The following GNG4 variants were observed in gnomAD, a reference collection of about 807,000 sequenced individuals.
GNG4 encodes the protein guanine nucleotide-binding protein G(I)/G(S)/G(O) subunit gamma-4.
Under a neutral mutation model 5.8 loss-of-function variants are expected in GNG4, and 4 were observed. That is an observed-to-expected ratio of 0.69 (90% CI 0.34 to 1.57). The LOEUF (loss-of-function observed/expected upper bound fraction) is 1.57. GNG4 is among the 40% of genes most tolerant of loss of function. The pLI, the probability that GNG4 is intolerant of heterozygous loss-of-function variation, is 0.06. For missense variants in GNG4, 96 were observed against 95.1 expected (o/e 1.01, Z -0.04); for synonymous variants, 29 against 32.9 (o/e 0.88, Z 0.41).
intron 1 of GNG4, among the ~76,000 whole-genome samples, chr1:235,625,033 C>T (rs954020262): frequency 5.9e-4 from 90 of 152,140 alleles, no homozygotes; most frequent in African/African-American, 2.1e-3. Context: ...CGGGCAGCTG[C>T]CAAGCTGATG....
intron 3 of GNG4, among the ~76,000 whole-genome samples, chr1:235,563,867 T>C (rs1687129964): frequency 6.6e-6 from 1 of 152,156 alleles, no homozygotes; most frequent in Non-Finnish European, 1.5e-5. Context: ...TGCTGGGTGG[T>C]GATTGCAGCA....
At chr1:235,623,505 T>C (rs940291109) in intron 1 of GNG4, among the ~76,000 whole-genome samples, 1 of 151,946 alleles carries the variant, frequency 6.6e-6, no homozygotes, top group Non-Finnish European at 1.5e-5. Context: ...CCTCAGGGAG[T>C]TGCTTTTTAT....
chr1:235,568,675 A>G (rs1687263010), intron 3 of GNG4, among the ~76,000 whole-genome samples: 1 of 152,016 alleles, frequency 6.6e-6, no homozygotes, highest in Non-Finnish European at 1.5e-5. Flanking sequence ...TGTTGTCCAG[A>G]CTGATATTTT....
chr1:235,583,967 G>A (rs1057503434), intron 2 of GNG4, 119 bp from the exon 3 acceptor site: 6 of 545,562 alleles, frequency 1.1e-5, no homozygotes, highest in African/African-American at 7.6e-5. Context: ...AGCATGGACA[G>A]CATTTGGTAG....
chr1:235,625,856 C>A (rs907808328), intron 1 of GNG4, among the ~76,000 whole-genome samples: 3 of 152,174 alleles, frequency 2.0e-5, no homozygotes, highest in Admixed American at 6.5e-5. Flanking sequence ...ATCTTGGTTG[C>A]TTCCGAGTTT....
chr1:235,562,069 T>C (rs925409432), intron 3 of GNG4, among the ~76,000 whole-genome samples: 1 of 152,254 alleles, frequency 6.6e-6, no homozygotes, highest in African/African-American at 2.4e-5. Flanking sequence ...AGACTATCTT[T>C]GCTTCATGGT....
intron 1 of GNG4, among the ~76,000 whole-genome samples, chr1:235,624,161 G>A (rs906979962): frequency 1.3e-5 from 2 of 150,424 alleles, no homozygotes; most frequent in African/African-American, 4.9e-5. Flanking sequence ...GGAGTGCAGT[G>A]GCGTGATCTT....
chr1:235,562,139 G>A (rs1050330039), intron 3 of GNG4, among the ~76,000 whole-genome samples: 1 of 151,842 alleles, frequency 6.6e-6, no homozygotes, highest in Admixed American at 6.6e-5. Flanking sequence ...CTATTTTGGG[G>A]CTCTCTATTC....
chr1:235,620,885 G>A (rs1688697373), intron 1 of GNG4, among the ~76,000 whole-genome samples: 1 of 152,212 alleles, frequency 6.6e-6, no homozygotes, highest in Non-Finnish European at 1.5e-5. Context: ...GGAATAGCCA[G>A]TTGTTCTAAA....
At chr1:235,613,591 CA>C (rs1688527559) in intron 1 of GNG4, among the ~76,000 whole-genome samples, 2 of 152,066 alleles carry the variant, frequency 1.3e-5, no homozygotes, top group Admixed American at 1.3e-4. Context: ...AAGGGGGCCA[CA>C]AGTGAAGGGA....
Sources: allele counts gnomAD v4.1 joint callset (sites outside exome capture counted in the v4.1 genomes callset), GRCh38; gene constraint gnomAD v4.1.1; transcripts MANE v1.5; gene names NCBI Gene and HGNC (gene_info 2026-07-23, HGNC 2026-07-21).